The following HTT variants were observed in gnomAD, a reference collection of about 807,000 sequenced individuals.
The protein encoded by HTT is huntington disease protein.
Under a neutral mutation model 362.3 loss-of-function variants are expected in HTT, and 104 were observed. That is an observed-to-expected ratio of 0.29 (90% CI 0.24 to 0.34). HTT has a LOEUF of 0.34. Ranked by LOEUF, HTT falls within the 10% of genes least tolerant of loss-of-function variation. The probability of loss-of-function intolerance (pLI) is 1.00; values close to 1 mark genes in which losing one functional copy is unlikely to be tolerated. For synonymous variants in HTT, 1,577 were observed against 1,548.7 expected (o/e 1.02, Z -0.43); for missense variants, 3,301 against 3,928.6 (o/e 0.84, Z 4.27).
At chr4:3,167,130 G>A (rs528314814) in intron 29 of HTT, among the ~76,000 whole-genome samples, 112 of 152,318 alleles carry the variant, frequency 7.4e-4, no homozygotes, top group Admixed American at 1.4e-3. Context: ...GACGTGCATC[G>A]GCACAATCTC....
intron 8 of HTT, among the ~76,000 whole-genome samples, chr4:3,120,612 G>A (rs560219109): frequency 1.3e-3 from 205 of 152,322 alleles, no homozygotes; most frequent in Non-Finnish European, 2.5e-3. Flanking sequence ...CCATAGGAGT[G>A]CAAACCCTAT....
chr4:3,180,925 G>A lies in HTT; in HGVS notation c.4749+274G>A, dbSNP rs1215311179. ...GGAGTCTCTCTCCGTCGCCCAGGCT[G>A]GAGTGTGGTGGCACGATCTTGGCTC... On this transcript the variant is annotated intron_variant, in intron 36 of 66. Transcript: ENST00000355072. The A allele has an allele frequency of 4.0e-5, 11 of 272,198 alleles. No homozygotes were observed. The East Asian group carries it at 5.7e-4, about 14-fold the overall frequency. The allele number at this position is 272,198 out of a possible 1,614,324, so 16.9% of individuals were successfully genotyped here. A position where few individuals can be genotyped will look rare whatever the true frequency, so the allele number is the denominator to read the frequency against.
chr4:3,115,759 G>A (rs1404091101), intron 7 of HTT, among the ~76,000 whole-genome samples: 5 of 152,226 alleles, frequency 3.3e-5, no homozygotes, highest in African/African-American at 9.6e-5. Context: ...TCGGGTTCCT[G>A]CGGGTTCTCT....
intron 59 of HTT, among the ~76,000 whole-genome samples, 191 bp from the exon 60 acceptor site, chr4:3,229,696 C>T (rs56082242): frequency 0.011 from 1,609 of 152,250 alleles, 33 homozygotes; most frequent in African/African-American, 0.037. Context: ...ACCATACATG[C>T]ACCACGTGTA....
intron 8 of HTT, among the ~76,000 whole-genome samples, chr4:3,119,153 A>T (rs1578513409): frequency 6.6e-6 from 1 of 152,208 alleles, no homozygotes; most frequent in Non-Finnish European, 1.5e-5. Context: ...TTCTAGGATG[A>T]TTGCTGTTTG....
chr4:3,151,218 G>C lies in HTT; in HGVS notation c.3498+3011G>C, dbSNP rs550120362. Among the ~76,000 whole-genome samples, 9 of 152,214 alleles carry C rather than the reference G, an allele frequency of 5.9e-5. No individual in the cohort carries two copies. In the South Asian group the frequency reaches 1.7e-3, roughly 28 times the overall value. ...TACCTGAGACATATAAAGAAAAGAGGTTTAATTGGCTCACAGTTCTGCAGG... is the reference window on the plus strand; with the variant it reads ...TACCTGAGACATATAAAGAAAAGAGCTTTAATTGGCTCACAGTTCTGCAGG... On this transcript the variant is annotated intron_variant, in intron 26 of 66. Transcript: ENST00000355072.
At chr4:3,131,991 C>T (rs1715841722) in intron 16 of HTT, among the ~76,000 whole-genome samples, 1 of 152,142 alleles carries the variant, frequency 6.6e-6, no homozygotes, top group East Asian at 1.9e-4. Context: ...AAGTAGAAAC[C>T]TCAGCACGTA....
intron 5 of HTT, among the ~76,000 whole-genome samples, chr4:3,105,813 T>C (rs1316833799): frequency 6.6e-6 from 1 of 152,248 alleles, no homozygotes; most frequent in Non-Finnish European, 1.5e-5. Context: ...TATTGCTGAC[T>C]ATAGGAGTTA....
chr4:3,121,615 C>T, intron 9 of HTT, 183 bp downstream of exon 9: 1 of 525,904 alleles, frequency 1.9e-6, no homozygotes, highest in Non-Finnish European at 3.4e-6. Context: ...GTGGCTCACG[C>T]CTGTAATTTC....
chr4:3,222,133 G>A (rs1720702383), intron 53 of HTT, among the ~76,000 whole-genome samples: 1 of 152,248 alleles, frequency 6.6e-6, no homozygotes, highest in African/African-American at 2.4e-5. Flanking sequence ...GGCTGCCAGG[G>A]CCGACTTGGG....
At position 3,209,890 on chromosome 4, in the gene HTT, G is replaced by A. The variant is rs776239024; in HGVS notation, c.6355G>A (p.Gly2119Ser). Residue 2119 changes from glycine (G) to serine (S), a missense_variant, in exon 47 of 67, where the codon GGT (glycine) becomes AGT (serine). By Grantham distance (56) the Gly-to-Ser change is moderately conservative. Coordinates refer to ENST00000355072, the MANE Select transcript of HTT (RefSeq NM_001388492.1). ...CAGGTCAGATTCTGCACTGCTGGAAGGTGCAGAGCTGGTGAATCGGATTCC... is the reference window on the plus strand; with the variant it reads ...CAGGTCAGATTCTGCACTGCTGGAAAGTGCAGAGCTGGTGAATCGGATTCC... The part of the protein sequence containing the change: ...WTRSDSALLE[G>S]AELVNRIPAE... 5 of 1,613,904 alleles carry A rather than the reference G, an allele frequency of 3.1e-6. No homozygotes were observed. Among genetic ancestry groups the A allele is most frequent in the Non-Finnish European group, 3.4e-6 (4 of 1,179,858 alleles).
In HTT at chr4:3,207,350, G is replaced by A. The variant is rs758246791; in HGVS notation, c.6145G>A (p.Ala2049Thr). 5.0e-6 allele frequency: 8 copies of A among 1,611,742 alleles called. No homozygotes were observed. The highest frequency in any genetic ancestry group is 3.3e-5 in the South Asian group (3 of 90,628). Residue 2049 changes from alanine (A) to threonine (T), a missense_variant, in exon 45 of 67, where the codon GCT (alanine) becomes ACT (threonine). Around this residue, in one of 4 missense-constraint regions of HTT, gnomAD observed 2,316 missense variants for 2,658.5 expected, o/e 0.87. Coordinates refer to ENST00000355072, the MANE Select transcript of HTT (RefSeq NM_001388492.1). ...IQEYLQSSGL[A>T]QRHQRLYSLL... is the part of the protein sequence containing the mutation. ...GGAATACCTTCAGAGCAGCGGGCTC[G>A]CTCAGAGGTAATGCTGGAAACACAG...
At chr4:3,111,256 G>C (rs1407388336) in intron 6 of HTT, among the ~76,000 whole-genome samples, 1 of 151,428 alleles carries the variant, frequency 6.6e-6, no homozygotes, top group Non-Finnish European at 1.5e-5. Context: ...TGCGGTGGTG[G>C]GATTTTGGCT....
intron 2 of HTT, among the ~76,000 whole-genome samples, chr4:3,089,769 A>C (rs1409550785): frequency 2.0e-5 from 3 of 152,224 alleles, no homozygotes; most frequent in African/African-American, 4.8e-5. Context: ...ATGTTGGCTT[A>C]TATTCATATA....
chr4:3,163,225 C>T (rs190228860), intron 29 of HTT, among the ~76,000 whole-genome samples: 13 of 152,216 alleles, frequency 8.5e-5, no homozygotes, highest in Non-Finnish European at 1.8e-4. Flanking sequence ...TGATGGATTA[C>T]GTTTATTGAT....
In HTT at chr4:3,187,624, G is replaced by A. The variant is rs748622352; in HGVS notation, c.4990-27G>A. The A allele has an allele frequency of 7.9e-6, 12 of 1,520,976 alleles. No individual in the cohort carries two copies. In the African/African-American group the frequency reaches 1.7e-4, roughly 21 times the overall value. The allele number at this position is 1,520,976 out of a possible 1,614,324, so 94.2% of individuals were successfully genotyped here. Reference sequence around the variant, plus strand: ...TTTAATCTTCCTTTTTTCTTCAGCTGTGACTTATGTATTATGTTTATTTTA... The same window carrying A: ...TTTAATCTTCCTTTTTTCTTCAGCTATGACTTATGTATTATGTTTATTTTA... On this transcript the variant is annotated intron_variant, in intron 38 of 66. Transcript: ENST00000355072.
At position 3,236,269 on chromosome 4, in the gene HTT, C is replaced by G; in HGVS notation, c.8891+15C>G. 6.4e-7 allele frequency: 1 copy of G among 1,550,854 alleles called. No homozygotes were observed. The highest frequency in any genetic ancestry group is 8.9e-7 in the Non-Finnish European group (1 of 1,122,276). On this transcript the variant is annotated intron_variant, in intron 64 of 66. Transcript: ENST00000355072. ...CTTTTTGATAGGTAAGAAGCGAAGC[C>G]CCATCCCTCAGCCGTTAGCTTCCCT...
At position 3,236,206 on chromosome 4, in the gene HTT, G is replaced by A. The variant is rs766116072; in HGVS notation, c.8843G>A (p.Ser2948Asn). ...TSDPNPAAPD[S>N]ESVIVAMERV... ...GACCCTAATCCTGCAGCCCCCGACA[G>A]CGAGTCAGTGATTGTTGCTATGGAG... The change falls in exon 64 of 67, where the codon AGC becomes AAC. Residue 2948 changes from serine (S) to asparagine (N), a missense_variant. This residue lies in a region of HTT where 753 missense variants were observed against 1,021.3 expected (regional missense o/e 0.74). Coordinates refer to ENST00000355072, the MANE Select transcript of HTT (RefSeq NM_001388492.1). The A allele has an allele frequency of 9.3e-6, 15 of 1,614,218 alleles. No homozygotes were observed. In the South Asian group the frequency reaches 1.6e-4, roughly 18 times the overall value.
chr4:3,120,320 G>A (rs1341056274), intron 8 of HTT, among the ~76,000 whole-genome samples: 3 of 152,114 alleles, frequency 2.0e-5, no homozygotes, highest in Non-Finnish European at 2.9e-5. Flanking sequence ...TTTGTTGTTT[G>A]TTTACAGTTT....
Sources: allele counts gnomAD v4.1 joint callset (sites outside exome capture counted in the v4.1 genomes callset), GRCh38; gene constraint gnomAD v4.1.1; regional missense constraint gnomAD v4.1.1; transcripts MANE v1.5; gene names NCBI Gene and HGNC (gene_info 2026-07-23, HGNC 2026-07-21).